Variants in TOGARAM2 observed in about 807,000 individuals in gnomAD.
The protein encoded by TOGARAM2 is TOG array regulator of axonemal microtubules protein 2.
A neutral mutation model predicts 93.3 loss-of-function variants in TOGARAM2; 85 were observed. The observed-to-expected ratio is 0.91, with a 90% CI of 0.76 to 1.09. The LOEUF (loss-of-function observed/expected upper bound fraction) is 1.09. Ranked by LOEUF, TOGARAM2 falls within the 50% of genes least tolerant of loss-of-function variation. TOGARAM2 has a pLI of 0.00. For missense variants in TOGARAM2, 1,277 were observed against 1,334.5 expected (o/e 0.96, Z 0.67); for synonymous variants, 593 against 552.8 (o/e 1.07, Z -1.02).
At chr2:28,959,339 G>A (rs1280485387) in intron 1 of TOGARAM2, among the ~76,000 whole-genome samples, 1 of 152,188 alleles carries the variant, frequency 6.6e-6, no homozygotes, top group Non-Finnish European at 1.5e-5. Context: ...TTTCCCCATA[G>A]ACTTTGTCCA....
At chr2:29,012,651 C>A (rs1470907387) in intron 7 of TOGARAM2, among the ~76,000 whole-genome samples, 1 of 152,182 alleles carries the variant, frequency 6.6e-6, no homozygotes, top group Non-Finnish European at 1.5e-5. Context: ...TCCAGGGCAT[C>A]CCTTTGGGGT....
At chr2:28,979,030 G>A (rs1207837735), upstream of TOGARAM2, among the ~76,000 whole-genome samples, 1 of 152,192 alleles carries the variant, frequency 6.6e-6, no homozygotes, top group African/African-American at 2.4e-5. Flanking sequence ...AAATGACTGA[G>A]GGCTGGATTC....
At position 29,002,551 on chromosome 2, in the gene TOGARAM2, G is replaced by A. The variant is rs1673363003; in HGVS notation, c.443G>A (p.Gly148Glu). The change falls in exon 5 of 20, where the codon GGG becomes GAG. Residue 148 changes from glycine (G) to glutamate (E), a missense_variant. Coordinates refer to ENST00000379558, the MANE Select transcript of TOGARAM2 (RefSeq NM_199280.4). ...AASSRASLDP[G>E]GGPQGVPLHS... ...CCCTGTACAGCCTCTCTGGATCCAG[G>A]GGGAGGCCCCCAAGGAGTTCCCCTG... is the stretch of plus-strand genomic sequence containing the variant. 2.5e-6 allele frequency: 4 copies of A among 1,613,462 alleles called. No homozygotes were observed. The East Asian group carries it at 6.7e-5, about 27-fold the overall frequency.
chr2:29,016,524 C>T (rs900296499), intron 8 of TOGARAM2, among the ~76,000 whole-genome samples: 6 of 152,230 alleles, frequency 3.9e-5, no homozygotes, highest in African/African-American at 1.4e-4. Flanking sequence ...GCGTCTTAAA[C>T]TATTTCAAAA....
chr2:28,973,392 C>T lies in TOGARAM2; in HGVS notation c.-147+16695C>T, dbSNP rs199961745. 5.7e-4 allele frequency among the ~76,000 whole-genome samples: 45 copies of T among 78,546 alleles called. 1 individual carries two copies. The highest frequency in any genetic ancestry group is 1.4e-3 in the African/African-American group (29 of 20,998). The allele number at this position is 78,546 out of a possible 152,430, so 51.5% of individuals were successfully genotyped here. On this transcript the variant is annotated intron_variant, in intron 1 of 6. Transcript: ENST00000401723. Reference sequence around the variant, plus strand: ...CTTCCTTCCCTTCCTTCCTTCTTTCCTCCCTTCCTTCCTTCCTCCTTTCCT... The same window carrying T: ...CTTCCTTCCCTTCCTTCCTTCTTTCTTCCCTTCCTTCCTTCCTCCTTTCCT...
intron 1 of TOGARAM2, among the ~76,000 whole-genome samples, chr2:28,992,501 C>T (rs1672783140): frequency 6.6e-6 from 1 of 152,128 alleles, no homozygotes; most frequent in East Asian, 1.9e-4. Context: ...GCATGTTGAC[C>T]TCTGACCACT....
At chr2:28,987,052 C>T (rs1672500205) in intron 1 of TOGARAM2, among the ~76,000 whole-genome samples, 1 of 152,218 alleles carries the variant, frequency 6.6e-6, no homozygotes, top group Admixed American at 6.5e-5. Flanking sequence ...TCAGCCCCGA[C>T]TCTTCTACTT....
At chr2:28,989,060 T>C (rs1284692955) in intron 1 of TOGARAM2, among the ~76,000 whole-genome samples, 1 of 152,238 alleles carries the variant, frequency 6.6e-6, no homozygotes, top group Non-Finnish European at 1.5e-5. Flanking sequence ...TTTGTATTTT[T>C]ATTTTTTGAG....
chr2:29,014,831 G>A (rs1664460093), intron 8 of TOGARAM2, among the ~76,000 whole-genome samples: 1 of 152,116 alleles, frequency 6.6e-6, no homozygotes, highest in African/African-American at 2.4e-5. Context: ...GGGGTAGGAG[G>A]GAGGAAGGAA....
intron 1 of TOGARAM2, chr2:28,972,607 C>T (rs1671964606): frequency 6.6e-6 from 1 of 152,202 alleles, no homozygotes; most frequent in African/African-American, 2.4e-5. Flanking sequence ...TTTCCACAGT[C>T]TTCATTTGTT....
chr2:29,029,807 T>C (rs567735181), intron 14 of TOGARAM2, among the ~76,000 whole-genome samples: 239 of 149,308 alleles, frequency 1.6e-3, no homozygotes, highest in African/African-American at 5.7e-3. Flanking sequence ...GAGGAACTAG[T>C]GGCAAGGGGG....
chr2:29,010,308 G>A (rs72788119), intron 6 of TOGARAM2, among the ~76,000 whole-genome samples: 11,452 of 152,174 alleles, frequency 0.075, 511 homozygotes, highest in African/African-American at 0.12. Flanking sequence ...TAGTGGGCGA[G>A]CTCCCCAGGT....
intron 1 of TOGARAM2, among the ~76,000 whole-genome samples, chr2:28,968,443 G>A (rs1037815877): frequency 7.9e-5 from 12 of 151,234 alleles, no homozygotes; most frequent in African/African-American, 2.7e-4. Context: ...TCCACTCCCC[G>A]CAGCGGAGGT....
Position 28,994,789 on chromosome 2 carries a change from G to A in TOGARAM2, c.-46G>A. ...GGACTGTACTCACTGCCCAGAAATA[G>A]CTGCTGCCTCTGGGCAACCTTGTAG... On this transcript the variant is annotated 5_prime_UTR_variant, in exon 2 of 20. Transcript: ENST00000379558. 1.3e-6 allele frequency: 2 copies of A among 1,551,016 alleles called. No homozygotes were observed. The highest frequency in any genetic ancestry group is 1.7e-6 in the Non-Finnish European group (2 of 1,146,434).
chr2:28,980,732 C>T (rs776695512), upstream of TOGARAM2, among the ~76,000 whole-genome samples: 2 of 152,228 alleles, frequency 1.3e-5, no homozygotes, highest in Non-Finnish European at 1.5e-5. Context: ...GCTTTCTGCT[C>T]TGCAAGGATT....
At chr2:28,965,669 G>T (rs1196357237) in intron 1 of TOGARAM2, among the ~76,000 whole-genome samples, 1 of 152,278 alleles carries the variant, frequency 6.6e-6, no homozygotes, top group East Asian at 1.9e-4. Context: ...AAAGACTCAA[G>T]AGGACTCCCA....
intron 1 of TOGARAM2, among the ~76,000 whole-genome samples, chr2:28,982,184 A>G (rs939466369): frequency 6.6e-6 from 1 of 152,200 alleles, no homozygotes; most frequent in Non-Finnish European, 1.5e-5. Flanking sequence ...CATGCGCAGA[A>G]TGGAAGTTAC....
rs763053808 is a variant in TOGARAM2 at position 29,014,595 on chromosome 2, C to A, written c.1044+34C>A. 15 of 1,550,314 alleles carry A rather than the reference C, an allele frequency of 9.7e-6. No individual in the cohort carries two copies. The African/African-American group carries it at 2.1e-4, about 21-fold the overall frequency. ...GGAGCGGGAGGAGGAGGAAGTGGGG[C>A]TGGAGTGGACCGCAGGCTGCAGGAA... On this transcript the variant is annotated intron_variant, in intron 8 of 19. Coordinates refer to ENST00000379558, the MANE Select transcript of TOGARAM2 (RefSeq NM_199280.4).
chr2:29,039,089 A>T (rs1431870006), intron 18 of TOGARAM2, among the ~76,000 whole-genome samples: 2 of 152,158 alleles, frequency 1.3e-5, no homozygotes, highest in African/African-American at 2.4e-5. Context: ...CAGAGAGTGC[A>T]TCAAATCGGA....
Sources: gnomAD v4.1 joint callset for allele counts (sites outside exome capture counted in the v4.1 genomes callset) on GRCh38, gnomAD v4.1.1 for gene constraint, MANE v1.5 for transcripts, NCBI Gene and HGNC (gene_info 2026-07-23, HGNC 2026-07-21) for gene names.